DGKH: variants seen among roughly 807,000 people sequenced by gnomAD.
DGKH encodes the protein diacylglycerol kinase eta, also known as DAG kinase eta.
Under a neutral mutation model 159.3 loss-of-function variants are expected in DGKH, and 90 were observed. The observed-to-expected ratio is 0.57, with a 90% confidence interval of 0.48 to 0.67. DGKH has a LOEUF of 0.67. Ranked by LOEUF, DGKH falls within the 30% of genes least tolerant of loss-of-function variation. The pLI is 0.00. For missense variants in DGKH, 1,181 were observed against 1,506.1 expected, an observed-to-expected ratio of 0.78 and a Z score of 3.57; for synonymous variants, 536 against 553.8, an observed-to-expected ratio of 0.97 and a Z score of 0.45.
At chr13:42,206,180 A>G in intron 21 of DGKH, 34 bp downstream of exon 21, 1 of 1,295,568 alleles carries the variant, frequency 7.7e-7, no homozygotes, top group Admixed American at 2.9e-5. Flanking sequence ...TGTTTCCTCA[A>G]AAATAATTAT....
In DGKH at chr13:42,235,169, A is replaced by G. The variant is rs1240620397; in HGVS notation, c.*5981A>G. Reference sequence around the variant, plus strand: ...GAGACTGTTAAACTCTGTTCATGATAAACTCCATATTACATAATATAGGTG... The same window carrying G: ...GAGACTGTTAAACTCTGTTCATGATGAACTCCATATTACATAATATAGGTG... On this transcript the variant is annotated 3_prime_UTR_variant, in exon 30 of 30. Transcript: ENST00000337343. The G allele has an allele frequency of 6.6e-6, 1 of 152,202 alleles. No individual in the cohort carries two copies. Among genetic ancestry groups the G allele is most frequent in the East Asian group, 1.9e-4 (1 of 5,200 alleles). 9.4% of individuals were successfully genotyped at this position (152,202 alleles called of 1,614,324 possible).
At chr13:42,144,611 C>G (rs1045179962) in intron 3 of DGKH, among the ~76,000 whole-genome samples, 2 of 151,508 alleles carry the variant, frequency 1.3e-5, no homozygotes, top group Admixed American at 1.3e-4. Context: ...TGCTTGAACC[C>G]TGGAGGCAGA....
At chr13:42,088,989 G>T (rs1290357883) in intron 1 of DGKH, among the ~76,000 whole-genome samples, 2 of 152,118 alleles carry the variant, frequency 1.3e-5, no homozygotes, top group African/African-American at 2.4e-5. Flanking sequence ...AGACAAAATA[G>T]ACTTCAGAAC....
In DGKH at chr13:42,166,652, A is replaced by T; in HGVS notation, c.1096A>T (p.Met366Leu). The T allele has an allele frequency of 6.2e-7, 1 of 1,601,516 alleles. No homozygotes were observed. The highest frequency in any genetic ancestry group is 1.7e-5 in the Admixed American group (1 of 57,780). The change falls in exon 9 of 30, where the codon ATG becomes TTG. Residue 366 changes from methionine to leucine, a missense_variant. Coordinates refer to ENST00000337343, the MANE Select transcript of DGKH (RefSeq NM_178009.5). ...AAATCCGGCTCAGGTGTTTGATTTA[A>T]TGAATGGAGGTCCTCATTTAGGGTA... Reference protein sequence around the residue: ...LLNPAQVFDLMNGGPHLGLRL... With the variant: ...LLNPAQVFDLLNGGPHLGLRL...
chr13:42,247,379 C>T (rs185635564), downstream of DGKH, among the ~76,000 whole-genome samples: 39 of 151,888 alleles, frequency 2.6e-4, no homozygotes, highest in African/African-American at 8.2e-4. Context: ...TACCAGTGTG[C>T]GCCACCATGC....
In DGKH at chr13:42,231,597, C is replaced by G. The variant is rs1958295077; in HGVS notation, c.*2409C>G. ...TGTGAGGGAAAGAAGGGGAAGAACT[C>G]TAGCATAAATAATGTATTAATATAA... On this transcript the variant is annotated 3_prime_UTR_variant, in exon 30 of 30. Coordinates refer to ENST00000337343, the MANE Select transcript of DGKH (RefSeq NM_178009.5). The G allele has an allele frequency of 6.6e-6, 1 of 152,098 alleles. No homozygotes were observed. Among genetic ancestry groups the G allele is most frequent in the Admixed American group, 6.5e-5 (1 of 15,270 alleles). The allele number at this position is 152,098 out of a possible 1,614,324, so 9.4% of individuals were successfully genotyped here.
At position 42,189,121 on chromosome 13, in the gene DGKH, G is replaced by T. The variant is rs766495887; in HGVS notation, c.1724G>T (p.Ser575Ile). The change falls in exon 15 of 30, where the codon AGC becomes ATC. Residue 575 changes from serine to isoleucine, a missense_variant. Physicochemically the swap from Ser to Ile is moderately radical, Grantham distance 142. Transcript: ENST00000337343. ...GCTGCGCCTGTTCTCCCTGGCCTCA[G>T]CCCTCTCATTGTGGAAGAAGATGCT... is the stretch of plus-strand genomic sequence containing the variant. Reference protein sequence around the residue: ...SQAAPVLPGLSPLIVEEDAVE... With the variant: ...SQAAPVLPGLIPLIVEEDAVE... 3.1e-6 allele frequency: 5 copies of T among 1,614,242 alleles called. No individual in the cohort carries two copies. The South Asian group carries it at 5.5e-5, about 18-fold the overall frequency.
chr13:42,086,144 C>G (rs1954297120), intron 1 of DGKH, among the ~76,000 whole-genome samples: 1 of 152,136 alleles, frequency 6.6e-6, no homozygotes, highest in Admixed American at 6.5e-5. Flanking sequence ...GCTTGAACTC[C>G]TGACCTCAAG....
At chr13:42,201,281 G>A (rs555276040) in intron 20 of DGKH, among the ~76,000 whole-genome samples, 2 of 152,134 alleles carry the variant, frequency 1.3e-5, no homozygotes, top group Admixed American at 1.3e-4. Context: ...GTGTGCCACC[G>A]TGCCCAGTTT....
intron 1 of DGKH, among the ~76,000 whole-genome samples, chr13:42,094,706 G>T (rs1413131663): frequency 2.6e-5 from 4 of 152,100 alleles, no homozygotes; most frequent in African/African-American, 9.7e-5. Context: ...TCAAATTTCT[G>T]CCAAAAGAGA....
chr13:42,073,437 T>G (rs1411564958), intron 1 of DGKH, among the ~76,000 whole-genome samples: 1 of 152,226 alleles, frequency 6.6e-6, no homozygotes, highest in African/African-American at 2.4e-5. Context: ...CAATACATAT[T>G]TAGTGGAAAA....
chr13:42,055,010 A>G (rs1881649458), intron 1 of DGKH, among the ~76,000 whole-genome samples: 1 of 152,234 alleles, frequency 6.6e-6, no homozygotes, highest in Non-Finnish European at 1.5e-5. Context: ...AATTTCATGT[A>G]ATTTTCATGT....
intron 29 of DGKH, among the ~76,000 whole-genome samples, chr13:42,250,289 A>G (rs941183638): frequency 2.0e-5 from 3 of 152,144 alleles, no homozygotes; most frequent in Non-Finnish European, 4.4e-5. Context: ...CTATTTAAAA[A>G]AAAAAAAGTT....
intron 1 of DGKH, among the ~76,000 whole-genome samples, chr13:42,125,292 A>G (rs1392557371): frequency 1.3e-5 from 2 of 152,194 alleles, no homozygotes; most frequent in African/African-American, 4.8e-5. Flanking sequence ...ATGCCTGGCA[A>G]ACACTCCCTG....
chr13:42,165,078 A>G (rs1956278669), intron 7 of DGKH, among the ~76,000 whole-genome samples: 1 of 151,946 alleles, frequency 6.6e-6, no homozygotes, highest in Non-Finnish European at 1.5e-5. Context: ...TTCGCCTTCA[A>G]CAGTTATTCA....
rs761739064 is a variant in DGKH, at chr13:42,198,522, A to G, written c.2212A>G (p.Ile738Val). The G allele has an allele frequency of 6.2e-7, 1 of 1,613,886 alleles. No homozygotes were observed. The highest frequency in any genetic ancestry group is 8.5e-7 in the Non-Finnish European group (1 of 1,179,886). The change falls in exon 18 of 30, where the codon ATC (isoleucine) becomes GTC (valine). Residue 738 changes from isoleucine to valine, a missense_variant. Ile to Val is a conservative substitution (Grantham distance 29). Coordinates refer to ENST00000337343, the MANE Select transcript of DGKH (RefSeq NM_178009.5). ...TGCCTCAATTGCTGGGAGTTCGATTATCAACAAAATGTTACTGGCAAACAT... is the reference window on the plus strand; with the variant it reads ...TGCCTCAATTGCTGGGAGTTCGATTGTCAACAAAATGTTACTGGCAAACAT... ...LAASIAGSSI[I>V]NKMLLANIDP...
In DGKH at chr13:42,242,480, T is replaced by C. The variant is rs1379681950; in HGVS notation, c.*13292T>C. ...ACAGAGCAGAGGTTATAACTTTGGC[T>C]CTAATTACTTTTAGTAATGGTAAGA... is the stretch of plus-strand genomic sequence containing the variant. On this transcript the variant is annotated 3_prime_UTR_variant, in exon 30 of 30. Coordinates refer to ENST00000337343, the MANE Select transcript of DGKH (RefSeq NM_178009.5). The C allele has an allele frequency of 2.6e-5, 4 of 152,266 alleles. No homozygotes were observed. The East Asian group carries it at 7.7e-4, about 29-fold the overall frequency. 9.4% of individuals were successfully genotyped at this position (152,266 alleles called of 1,614,324 possible). A position where few individuals can be genotyped will look rare whatever the true frequency, so the allele number is the denominator to read the frequency against.
intron 16 of DGKH, among the ~76,000 whole-genome samples, chr13:42,191,223 TTAAAC>T (rs1183985605): frequency 3.9e-5 from 6 of 152,144 alleles, no homozygotes; most frequent in Non-Finnish European, 7.4e-5. Flanking sequence ...AAAGCAGAAA[TTAAAC>T]TATTAATGAA....
In DGKH at chr13:42,132,063, C is replaced by T. The variant is rs367986507; in HGVS notation, c.384+2431C>T. Among the ~76,000 whole-genome samples, 9 of 152,320 alleles carry T rather than the reference C, an allele frequency of 5.9e-5. No individual in the cohort carries two copies. The South Asian group carries it at 1.7e-3, about 28-fold the overall frequency. On this transcript the variant is annotated intron_variant, in intron 3 of 29. Coordinates refer to ENST00000337343, the MANE Select transcript of DGKH (RefSeq NM_178009.5). ...TTTTCCCTGAGCAGTGAAGAATAAT[C>T]GTCTCTCTGCTGGAGCCTCATGGAG...
Sources: gnomAD v4.1 joint callset for allele counts (sites outside exome capture counted in the v4.1 genomes callset) on GRCh38, gnomAD v4.1.1 for gene constraint, MANE v1.5 for transcripts, NCBI Gene and HGNC (gene_info 2026-07-23, HGNC 2026-07-21) for gene names.